Variants in C16orf96 observed in about 807,000 individuals in gnomAD.
C16orf96 encodes the protein chromosome 16 open reading frame 96, also known as uncharacterized protein C16orf96.
In C16orf96, 108 loss-of-function variants were observed where a neutral mutation model predicts 103.6. That is an observed-to-expected ratio of 1.04 (90% CI 0.89 to 1.22). The LOEUF is 1.22. C16orf96 is among the 50% of genes most tolerant of loss of function. The pLI, the probability that C16orf96 is intolerant of heterozygous loss-of-function variation, is 0.00. For missense variants in C16orf96, 1,586 were observed against 1,464.2 expected, an observed-to-expected ratio of 1.08 and a Z score of -1.36; for synonymous variants, 566 against 593.5, an observed-to-expected ratio of 0.95 and a Z score of 0.67.
intron 1 of C16orf96, among the ~76,000 whole-genome samples, chr16:4,565,068 T>C (rs2059372587): frequency 6.6e-6 from 1 of 152,202 alleles, no homozygotes; most frequent in Non-Finnish European, 1.5e-5. Flanking sequence ...CAAGTCTAGC[T>C]GCTTGTCTGA....
At chr16:4,581,149 T>C (rs1372847823) in intron 7 of C16orf96, among the ~76,000 whole-genome samples, 3 of 75,218 alleles carry the variant, frequency 4.0e-5, no homozygotes, top group African/African-American at 2.9e-4. Flanking sequence ...TACATATATA[T>C]ATATATATAT....
chr16:4,581,650 A>C (rs887463790), intron 7 of C16orf96, among the ~76,000 whole-genome samples: 1 of 151,860 alleles, frequency 6.6e-6, no homozygotes, highest in Non-Finnish European at 1.5e-5. Context: ...AAAAACAAAA[A>C]CAAAAAAACC....
rs567339499 is a variant in C16orf96, at chr16:4,593,869, C to T, written c.2868-482C>T. Among the ~76,000 whole-genome samples the T allele has an allele frequency of 5.3e-5, 8 of 152,258 alleles. No homozygotes were observed. The highest frequency in any genetic ancestry group is 1.0e-4 in the Non-Finnish European group (7 of 68,016). On this transcript the variant is annotated intron_variant, in intron 12 of 15. Transcript: ENST00000444310. The surrounding 1 kb of genome is among the most constrained non-coding windows in gnomAD (Gnocchi z 4.2). The stretch of plus-strand genomic sequence containing the variant: ...GCTGATGTCCAAACCCTCAGGTTTC[C>T]ACCGCACCCAGCTGGCTCCCTGGGT...
chr16:4,540,719 T>A, the C16orf96 span, among the ~76,000 whole-genome samples: 1 of 150,430 alleles, frequency 6.6e-6, no homozygotes, highest in Non-Finnish European at 1.5e-5. Flanking sequence ...AGAGCAAAAC[T>A]CTCTCAAAAT....
chr16:4,573,158 C>T (rs777063025), intron 2 of C16orf96, among the ~76,000 whole-genome samples: 9 of 152,118 alleles, frequency 5.9e-5, no homozygotes, highest in East Asian at 1.9e-4. Context: ...GCCTTCTCGG[C>T]GGGGCCTGGT....
chr16:4,543,147 G>A, the C16orf96 span, among the ~76,000 whole-genome samples: 3 of 152,162 alleles, frequency 2.0e-5, no homozygotes, highest in African/African-American at 7.2e-5. Context: ...GGGAGTGCCC[G>A]AACAAGGAAG....
chr16:4,586,942 T>A lies in C16orf96; in HGVS notation c.2353-97T>A, dbSNP rs1331922267. 1.2e-5 allele frequency: 14 copies of A among 1,140,370 alleles called. No homozygotes were observed. In the East Asian group the frequency reaches 3.4e-4, roughly 28 times the overall value. 70.6% of individuals were successfully genotyped at this position (1,140,370 alleles called of 1,614,324 possible). A position where few individuals can be genotyped will look rare whatever the true frequency, so the allele number is the denominator to read the frequency against. On this transcript the variant is annotated intron_variant, in intron 7 of 15. Transcript: ENST00000444310. ...TGCCTGCTGTCCACACGGCCTGCTA[T>A]CCCTCCCCAGCATATGGTAATGGTA...
In C16orf96 at chr16:4,600,489, GC is replaced by G. The variant is rs1274832221; in HGVS notation, c.*181del. The G allele has an allele frequency of 4.6e-4, 159 of 343,862 alleles. No homozygotes were observed. In the African/African-American group the frequency reaches 5.0e-3, roughly 11 times the overall value. 21.3% of individuals were successfully genotyped at this position (343,862 alleles called of 1,614,324 possible). A position where few individuals can be genotyped will look rare whatever the true frequency, so the allele number is the denominator to read the frequency against. The stretch of plus-strand genomic sequence containing the variant: ...CCATGTCCGAGGCTGAGGCTCATGC[GC>G]CCCCCCCCATCCCTACCAAGTCCCC... On this transcript the variant is annotated 3_prime_UTR_variant, in exon 16 of 16. Coordinates refer to ENST00000444310, the MANE Select transcript of C16orf96 (RefSeq NM_001145011.2).
rs553344316 is a variant in C16orf96 at position 4,577,060 on chromosome 16, G to C, written c.2155+425G>C. 2.6e-5 allele frequency among the ~76,000 whole-genome samples: 4 copies of C among 152,210 alleles called. No individual in the cohort carries two copies. In the East Asian group the frequency reaches 7.7e-4, roughly 29 times the overall value. The stretch of plus-strand genomic sequence containing the variant: ...TACAAAATTTGCTGGGCGTGGTGGT[G>C]TATGCCTGTAATCCCAGCTACTCGG... On this transcript the variant is annotated intron_variant, in intron 5 of 15. Coordinates refer to ENST00000444310, the MANE Select transcript of C16orf96 (RefSeq NM_001145011.2).
chr16:4,574,628 T>G (rs1466337209), intron 2 of C16orf96, 81 bp from the exon 3 acceptor site: 2 of 1,123,204 alleles, frequency 1.8e-6, no homozygotes, highest in East Asian at 5.2e-5. Flanking sequence ...TCTCAAGCTC[T>G]TAGTCACCTA....
At chr16:4,565,689 A>G (rs2059379594) in intron 1 of C16orf96, among the ~76,000 whole-genome samples, 1 of 151,950 alleles carries the variant, frequency 6.6e-6, no homozygotes, top group African/African-American at 2.4e-5. Flanking sequence ...GGGTTTTACC[A>G]TGTTGGCCAG....
chr16:4,538,786 C>CG, the C16orf96 span: 1 of 151,952 alleles, frequency 6.6e-6, no homozygotes, highest in Non-Finnish European at 1.5e-5. Context: ...CACAAGGAGG[C>CG]GGGTAGACTT....
chr16:4,559,652 T>C (rs2141691523), intron 1 of C16orf96, among the ~76,000 whole-genome samples: 1 of 152,186 alleles, frequency 6.6e-6, no homozygotes, highest in South Asian at 2.1e-4. Context: ...TTAATGAAAA[T>C]TCGGTGGCAC....
In C16orf96 at chr16:4,600,134, C is replaced by T. The variant is rs1317796026; in HGVS notation, c.3243C>T (p.Ala1081=). ...CCCGCTCCAGTGCCTGCTCAGCTGC[C>T]TCGGGCCCTCACCTGACGATGCCAG... The part of the protein sequence containing the change: ...LCPRSSACSA[A]SGPHLTMPAR... The change falls in exon 16 of 16, where the codon GCC becomes GCT. Residue 1081 remains alanine, a synonymous_variant. Coordinates refer to ENST00000444310, the MANE Select transcript of C16orf96 (RefSeq NM_001145011.2). 3 of 1,551,748 alleles carry T rather than the reference C, an allele frequency of 1.9e-6. No individual in the cohort carries two copies. Among genetic ancestry groups the T allele is most frequent in the East Asian group, 2.4e-5 (1 of 40,910 alleles).
At chr16:4,571,255 G>T (rs906019932) in intron 1 of C16orf96, among the ~76,000 whole-genome samples, 29 of 152,126 alleles carry the variant, frequency 1.9e-4, no homozygotes, top group African/African-American at 6.8e-4. Flanking sequence ...CCCAGGGATG[G>T]GCTGTGCTTC....
Position 4,576,654 on chromosome 16 carries a change from T to C in C16orf96, c.2155+19T>C. The C allele has an allele frequency of 6.5e-7, 1 of 1,539,424 alleles. No homozygotes were observed. Among genetic ancestry groups the C allele is most frequent in the Non-Finnish European group, 8.8e-7 (1 of 1,140,522 alleles). ...TATCTAGGTAGGCCTGGTCTGGCCC[T>C]GGGAAGGGCACAAGGGAGTGGGGCT... is the stretch of plus-strand genomic sequence containing the variant. On this transcript the variant is annotated intron_variant, in intron 5 of 15. Transcript: ENST00000444310.
the C16orf96 span, among the ~76,000 whole-genome samples, chr16:4,549,834 C>G: frequency 1.3e-5 from 2 of 152,146 alleles, no homozygotes; most frequent in East Asian, 1.9e-4. Context: ...CACTCTCTTG[C>G]TCTTCTCTCA....
chr16:4,547,061 A>G, the C16orf96 span, among the ~76,000 whole-genome samples: 1 of 152,238 alleles, frequency 6.6e-6, no homozygotes, highest in East Asian at 1.9e-4. Flanking sequence ...AAGAGCTGGG[A>G]TTATAGGCAT....
intron 7 of C16orf96, among the ~76,000 whole-genome samples, chr16:4,585,783 TG>T: frequency 6.6e-6 from 1 of 152,306 alleles, no homozygotes; most frequent in East Asian, 1.9e-4. Context: ...AGGTGTCCCT[TG>T]GCTTTGGAGC....
Sources: allele counts gnomAD v4.1 joint callset (sites outside exome capture counted in the v4.1 genomes callset), GRCh38; gene constraint gnomAD v4.1.1; non-coding constraint Gnocchi (gnomAD v3.1); transcripts MANE v1.5; gene names NCBI Gene and HGNC (gene_info 2026-07-23, HGNC 2026-07-21).